DAW1: variants seen among roughly 807,000 people sequenced by gnomAD.
The protein encoded by DAW1 is dynein assembly factor with WD repeat domains 1.
In DAW1, 47 loss-of-function variants were observed where a neutral mutation model predicts 56.5. The ratio of observed to expected loss-of-function variants is 0.83; its 90% CI spans 0.66 to 1.06. The LOEUF is 1.06. Ranked by LOEUF, DAW1 falls within the 50% of genes least tolerant of loss-of-function variation. The pLI is 0.00. For synonymous variants in DAW1, 190 were observed against 179.0 expected (o/e 1.06, Z -0.49); for missense variants, 505 against 499.3 (o/e 1.01, Z -0.11).
rs762360126 is a variant in DAW1 at position 227,905,039 on chromosome 2, ATTC to A, written c.755+7_755+9del. 57 of 1,610,744 alleles carry A rather than the reference ATTC, an allele frequency of 3.5e-5. No individual in the cohort carries two copies. Among genetic ancestry groups the A allele is most frequent in the Non-Finnish European group, 3.8e-5 (45 of 1,178,164 alleles). On this transcript the variant is annotated splice_donor_5th_base_variant and intron_variant, in intron 8 of 12. Coordinates refer to ENST00000309931, the MANE Select transcript of DAW1 (RefSeq NM_178821.3). ...TGTGGGACGCTGATACTGGAAGGTA[ATTC>A]TTAGTTCTTAAGAATTGTTTTAACC...
rs55786766 is a variant in DAW1, at chr2:227,874,963, A to AAAAC, written c.40+3256_40+3259dup. 2.8e-3 allele frequency among the ~76,000 whole-genome samples: 326 copies of AAAAC among 117,878 alleles called. 2 individuals are homozygous for AAAAC. The highest frequency in any genetic ancestry group is 0.023 in the South Asian group (77 of 3,418). The allele number at this position is 117,878 out of a possible 152,430, so 77.3% of individuals were successfully genotyped here. Reference sequence around the variant, plus strand: ...GGGTGCCAGAGCAAGACTCTGTCTCAAAACAAACAAACAAACAAACAAACA... The same window carrying AAAAC: ...GGGTGCCAGAGCAAGACTCTGTCTCAAAACAAACAAACAAACAAACAAACAAACA... On this transcript the variant is annotated intron_variant, in intron 1 of 12. Transcript: ENST00000309931.
At chr2:227,912,169 A>G (rs1011514620) in intron 10 of DAW1, 1 of 367,516 alleles carries the variant, frequency 2.7e-6, no homozygotes, top group Non-Finnish European at 5.3e-6. Flanking sequence ...ATAATGTTAC[A>G]TTCTGCCTCA....
chr2:227,914,418 C>T (rs147731769), intron 10 of DAW1, among the ~76,000 whole-genome samples: 330 of 152,110 alleles, frequency 2.2e-3, no homozygotes, highest in African/African-American at 7.6e-3. Context: ...TGTTATTTGT[C>T]ATAAGTAGTG....
At chr2:227,913,049 C>G (rs569053759) in intron 10 of DAW1, among the ~76,000 whole-genome samples, 69 of 152,304 alleles carry the variant, frequency 4.5e-4, no homozygotes, top group African/African-American at 1.5e-3. Context: ...AACTATTTCT[C>G]TGTCATCTCC....
At chr2:227,906,194 G>A (rs926547041) in intron 8 of DAW1, 42 bp from the exon 9 acceptor site, 1 of 1,515,038 alleles carries the variant, frequency 6.6e-7, no homozygotes, top group Non-Finnish European at 9.1e-7. Flanking sequence ...ATATACTGAA[G>A]TAAGATATCT....
At chr2:227,923,695 G>C (rs1309057847) in intron 12 of DAW1, among the ~76,000 whole-genome samples, 1 of 151,840 alleles carries the variant, frequency 6.6e-6, no homozygotes, top group East Asian at 1.9e-4. Flanking sequence ...TCTTGCTAGT[G>C]TAAGTAAGCA....
intron 6 of DAW1, among the ~76,000 whole-genome samples, chr2:227,898,949 T>C (rs898597090): frequency 2.6e-5 from 4 of 152,230 alleles, no homozygotes; most frequent in African/African-American, 7.2e-5. Flanking sequence ...ATTTTTAAAC[T>C]ACTATGTGAA....
Position 227,907,197 on chromosome 2 carries a change from A to G in DAW1, c.918A>G (p.Ile306Met), listed in dbSNP as rs201221782. ...CCTTAACAGGCCATGATGATGAAATACTAGACAGCTGCTTTGATTACACTG... is the reference window on the plus strand; with the variant it reads ...CCTTAACAGGCCATGATGATGAAATGCTAGACAGCTGCTTTGATTACACTG... ...VATLTGHDDE[I>M]LDSCFDYTGK... Residue 306 changes from isoleucine (I) to methionine (M), a missense_variant, in exon 10 of 13, where the codon ATA (isoleucine) becomes ATG (methionine). Ile to Met is a conservative substitution (Grantham distance 10, BLOSUM62 1). Coordinates refer to ENST00000309931, the MANE Select transcript of DAW1 (RefSeq NM_178821.3). 7.7e-5 allele frequency: 124 copies of G among 1,613,836 alleles called. No homozygotes were observed. The highest frequency in any genetic ancestry group is 3.3e-4 in the Middle Eastern group (2 of 6,060).
intron 8 of DAW1, among the ~76,000 whole-genome samples, chr2:227,905,807 T>C (rs1164142477): frequency 6.6e-6 from 1 of 152,246 alleles, no homozygotes; most frequent in African/African-American, 2.4e-5. Flanking sequence ...CAGGCTGGAG[T>C]GCAGTGGCGT....
intron 1 of DAW1, among the ~76,000 whole-genome samples, chr2:227,877,543 G>A (rs1349565939): frequency 6.6e-6 from 1 of 152,210 alleles, no homozygotes. Flanking sequence ...TGAACATATT[G>A]CCTAGATCAA....
intron 5 of DAW1, among the ~76,000 whole-genome samples, chr2:227,895,090 C>G (rs1040296065): frequency 5.3e-5 from 8 of 152,190 alleles, no homozygotes; most frequent in Non-Finnish European, 8.8e-5. Context: ...GGAAATCACA[C>G]TGTCAAAATC....
chr2:227,916,175 C>A (rs954482705), intron 10 of DAW1, among the ~76,000 whole-genome samples: 25 of 152,090 alleles, frequency 1.6e-4, no homozygotes, highest in African/African-American at 5.8e-4. Context: ...AATATGTAAT[C>A]ATCTCCTTGA....
At position 227,871,666 on chromosome 2, in the gene DAW1, G is replaced by T. The variant is rs186019467; in HGVS notation, c.-24G>T. The T allele has an allele frequency of 3.1e-6, 5 of 1,611,944 alleles. No homozygotes were observed. The highest frequency in any genetic ancestry group is 2.2e-5 in the South Asian group (2 of 90,644). On this transcript the variant is annotated 5_prime_UTR_variant, in exon 1 of 13. Coordinates refer to ENST00000309931, the MANE Select transcript of DAW1 (RefSeq NM_178821.3). ...CGTTTCCAAGGCTACGAAGCCCATC[G>T]GCCGGGGATAAGAGAGCAAGAAAAT...
At chr2:227,910,442 A>C (rs1384377054) in intron 10 of DAW1, among the ~76,000 whole-genome samples, 1 of 151,848 alleles carries the variant, frequency 6.6e-6, no homozygotes, top group Non-Finnish European at 1.5e-5. Flanking sequence ...ACTATAATCC[A>C]GTCTGAGTGA....
chr2:227,891,218 G>A (rs1263217169), intron 3 of DAW1, 37 bp from the exon 4 acceptor site: 1 of 1,583,214 alleles, frequency 6.3e-7, no homozygotes, highest in Non-Finnish European at 8.6e-7. Context: ...ATTTAATTTG[G>A]TTTGAGTCTA....
intron 4 of DAW1, 101 bp from the exon 5 acceptor site, chr2:227,893,694 A>G: frequency 1.3e-6 from 2 of 1,481,528 alleles, no homozygotes; most frequent in Non-Finnish European, 1.8e-6. Context: ...AAACAAACAA[A>G]CAGCATAATA....
intron 5 of DAW1, 57 bp from the exon 6 acceptor site, chr2:227,898,125 C>A: frequency 1.7e-6 from 2 of 1,170,172 alleles, no homozygotes; most frequent in South Asian, 2.1e-5. Flanking sequence ...CATCTTAGTT[C>A]AGTTTATTAT....
rs1464839274 is a variant in DAW1, at chr2:227,907,134, G to A, written c.859-4G>A. ...TTTTTTGTTTTTTGTTCTTTTAATT[G>A]TAGCTGTGGGATGCTACAAATGGAA... On this transcript the variant is annotated splice_polypyrimidine_tract_variant and splice_region_variant and intron_variant, in intron 9 of 12. Coordinates refer to ENST00000309931, the MANE Select transcript of DAW1 (RefSeq NM_178821.3). The A allele has an allele frequency of 1.3e-6, 2 of 1,536,748 alleles. No individual in the cohort carries two copies. The highest frequency in any genetic ancestry group is 1.8e-6 in the Non-Finnish European group (2 of 1,132,034).
At chr2:227,921,331 T>A in intron 11 of DAW1, 68 bp from the exon 12 acceptor site, 3 of 295,576 alleles carry the variant, frequency 1.0e-5, no homozygotes, top group East Asian at 8.0e-5. Context: ...TTTTTTTTTT[T>A]TTGCTGATAA....
Sources: gnomAD v4.1 joint callset for allele counts (sites outside exome capture counted in the v4.1 genomes callset) on GRCh38, gnomAD v4.1.1 for gene constraint, MANE v1.5 for transcripts, NCBI Gene and HGNC (gene_info 2026-07-23, HGNC 2026-07-21) for gene names.